The following PLCZ1 variants were observed in gnomAD, a reference collection of about 807,000 sequenced individuals.
PLCZ1 encodes the protein 1-phosphatidylinositol 4,5-bisphosphate phosphodiesterase zeta-1.
In PLCZ1, 64 loss-of-function variants were observed where a neutral mutation model predicts 76.8. The ratio of observed to expected loss-of-function variants is 0.83; its 90% CI spans 0.68 to 1.03. The LOEUF (loss-of-function observed/expected upper bound fraction) is 1.03, where lower values mean the gene tolerates loss of function less well. PLCZ1 is among the 50% of genes least tolerant of loss of function. The pLI, the probability that PLCZ1 is intolerant of heterozygous loss-of-function variation, is 0.00. For synonymous variants in PLCZ1, 248 were observed against 230.8 expected (o/e 1.07, Z -0.68); for missense variants, 751 against 713.7 (o/e 1.05, Z -0.60).
the PLCZ1 span, among the ~76,000 whole-genome samples, chr12:18,660,303 G>C: frequency 1.3e-5 from 2 of 152,096 alleles, no homozygotes; most frequent in African/African-American, 4.8e-5. Context: ...TTAAATATCA[G>C]GGATCTGTGT....
At chr12:18,718,782 ATCTG>A (rs1341050280) in intron 5 of PLCZ1, among the ~76,000 whole-genome samples, 1 of 152,140 alleles carries the variant, frequency 6.6e-6, no homozygotes, top group African/African-American at 2.4e-5. Flanking sequence ...CCTGGTTATT[ATCTG>A]TCTATCTGCT....
Position 18,695,111 on chromosome 12 carries a change from G to T in PLCZ1, c.1292-32C>A, listed in dbSNP as rs372584787. 12 of 1,588,124 alleles carry T rather than the reference G, an allele frequency of 7.6e-6. No homozygotes were observed. The African/African-American group carries it at 1.6e-4, about 21-fold the overall frequency. ...GAAAGAAGTATTTTGACATTGTCAG[G>T]TAATAGAGAATACAAATAAAGGAAC... On this transcript the variant is annotated intron_variant, in intron 11 of 14. Transcript: ENST00000266505.
intron 3 of PLCZ1, among the ~76,000 whole-genome samples, chr12:18,731,680 T>C (rs1397685318): frequency 6.6e-6 from 1 of 151,832 alleles, no homozygotes; most frequent in African/African-American, 2.4e-5. Context: ...TCAACACAGA[T>C]TGTGTTATCT....
chr12:18,705,136 T>C (rs1956443368), intron 7 of PLCZ1, 30 bp downstream of exon 7: 1 of 1,611,698 alleles, frequency 6.2e-7, no homozygotes, highest in African/African-American at 1.3e-5. Context: ...ACTTTTTTCT[T>C]AACCTGAGTT....
intron 5 of PLCZ1, among the ~76,000 whole-genome samples, chr12:18,714,351 G>A (rs1443909335): frequency 6.6e-6 from 1 of 152,160 alleles, no homozygotes; most frequent in African/African-American, 2.4e-5. Context: ...GGTTAGTGCT[G>A]TTTCTACAAC....
At chr12:18,693,919 C>T (rs959880124) in intron 12 of PLCZ1, 73 of 1,526,388 alleles carry the variant, frequency 4.8e-5, no homozygotes, top group Non-Finnish European at 5.8e-5. Flanking sequence ...TAACCCTGCA[C>T]GACTTGATCA....
the PLCZ1 span, among the ~76,000 whole-genome samples, chr12:18,669,967 C>A: frequency 6.6e-6 from 1 of 152,042 alleles, no homozygotes; most frequent in Non-Finnish European, 1.5e-5. Flanking sequence ...CGCGCCCGGC[C>A]CTCTTCCTCT....
At chr12:18,665,512 G>T in the PLCZ1 span, among the ~76,000 whole-genome samples, 9 of 152,134 alleles carry the variant, frequency 5.9e-5, no homozygotes, top group Admixed American at 4.6e-4. Context: ...AATAATTATG[G>T]CCAGGTGTGG....
Position 18,723,469 on chromosome 12 carries a change from C to T in PLCZ1, c.209G>A (p.Arg70Lys). 2 of 1,613,066 alleles carry T rather than the reference C, an allele frequency of 1.2e-6. No individual in the cohort carries two copies. The highest frequency in any genetic ancestry group is 1.7e-6 in the Non-Finnish European group (2 of 1,179,478). Residue 70 changes from arginine (R) to lysine (K), a missense_variant, in exon 4 of 15, where the codon AGA becomes AAA. Transcript: ENST00000266505. ...FRAIYRIITH[R>K]EEIIEIFNTY... ...GTTGAAAATCTCAATAATTTCTTCT[C>T]TGTGCGTGATAATTCGATAAATTGC...
the PLCZ1 span, among the ~76,000 whole-genome samples, chr12:18,650,712 CTATATATATATATATA>C: frequency 0.023 from 332 of 14,556 alleles, 1 homozygote; most frequent in Admixed American, 0.039. Context: ...GTGTATATAT[CTATATATATATATATA>C]TATATATATA....
chr12:18,678,942 C>A (rs1009227663), downstream of PLCZ1, among the ~76,000 whole-genome samples: 1 of 152,038 alleles, frequency 6.6e-6, no homozygotes, highest in African/African-American at 2.4e-5. Context: ...GATTGTCCCA[C>A]TTTACATTCC....
At chr12:18,702,818 CTTTTTTTTTT>C (rs71064022) in intron 7 of PLCZ1, among the ~76,000 whole-genome samples, 1 of 116,600 alleles carries the variant, frequency 8.6e-6, no homozygotes, top group East Asian at 2.6e-4. Context: ...GATAAAGTAA[CTTTTTTTTTT>C]TTTTTTTTTT....
intron 5 of PLCZ1, 118 bp from the exon 6 acceptor site, chr12:18,713,104 A>G: frequency 7.5e-7 from 1 of 1,337,278 alleles, no homozygotes; most frequent in Non-Finnish European, 1.0e-6. Context: ...TGAGTCCATA[A>G]AACTCTATAA....
At chr12:18,694,029 A>T in intron 12 of PLCZ1, 1 of 1,453,482 alleles carries the variant, frequency 6.9e-7, no homozygotes, top group Non-Finnish European at 9.6e-7. Context: ...ACAAATGAAG[A>T]CTTCAAAAAA....
intron 2 of PLCZ1, 89 bp downstream of exon 2, chr12:18,737,272 A>C (rs944819487): frequency 1.4e-6 from 2 of 1,421,468 alleles, no homozygotes; most frequent in African/African-American, 2.8e-5. Flanking sequence ...ACTTAAATTC[A>C]GAACTCCTCG....
chr12:18,700,077 A>C, intron 9 of PLCZ1, 127 bp from the exon 10 acceptor site: 1 of 758,718 alleles, frequency 1.3e-6, no homozygotes, highest in African/African-American at 1.8e-5. Context: ...CTCCTCAAAC[A>C]CCATTTGATT....
chr12:18,702,900 A>C (rs915400557), intron 7 of PLCZ1, among the ~76,000 whole-genome samples: 1 of 144,214 alleles, frequency 6.9e-6, no homozygotes, highest in African/African-American at 2.6e-5. Context: ...AGCTCACTGC[A>C]ACCTCCGCCT....
chr12:18,719,090 G>C (rs1053871175), intron 5 of PLCZ1, among the ~76,000 whole-genome samples: 1 of 152,134 alleles, frequency 6.6e-6, no homozygotes, highest in Non-Finnish European at 1.5e-5. Flanking sequence ...TAAAATAGAG[G>C]ATCTTCTGAC....
At position 18,699,793 on chromosome 12, in the gene PLCZ1, C is replaced by A; in HGVS notation, c.1174+1G>T. On this transcript the variant is annotated splice_donor_variant, in intron 10 of 14. Transcript: ENST00000266505. LOFTEE classifies it high-confidence loss of function. ...CATCTATTTGAGTCACAAAAATTTA[C>A]CTCGCAATTTTGAAAGTTTTCGGGC... 1 of 1,612,826 alleles carries A rather than the reference C, an allele frequency of 6.2e-7. No individual in the cohort carries two copies. Among genetic ancestry groups the A allele is most frequent in the Non-Finnish European group, 8.5e-7 (1 of 1,179,164 alleles).
Sources: gnomAD v4.1 joint callset for allele counts (sites outside exome capture counted in the v4.1 genomes callset) on GRCh38, gnomAD v4.1.1 for gene constraint, MANE v1.5 for transcripts, NCBI Gene and HGNC (gene_info 2026-07-23, HGNC 2026-07-21) for gene names.